PVT1: variants seen among roughly 807,000 people sequenced by gnomAD.
PVT1 encodes CXCR4/PVT1 fusion.
chr8:128,030,623 G>A (rs1281504353), intron 4 of PVT1, among the ~76,000 whole-genome samples: 3 of 152,184 alleles, frequency 2.0e-5, no homozygotes, highest in Non-Finnish European at 4.4e-5. Flanking sequence ...CCAAGGCAGA[G>A]TCAACAAGAA....
intron 2 of PVT1, among the ~76,000 whole-genome samples, chr8:127,885,024 C>A (rs1815508010): frequency 6.6e-6 from 1 of 152,198 alleles, no homozygotes; most frequent in Non-Finnish European, 1.5e-5. Context: ...CTGTTCACTC[C>A]CCTGTCATTA....
chr8:127,964,153 G>A (rs1234437316), intron 3 of PVT1, among the ~76,000 whole-genome samples: 2 of 152,238 alleles, frequency 1.3e-5, no homozygotes, highest in Admixed American at 6.5e-5. Flanking sequence ...GCAAAGAGGG[G>A]CAAGTCAGCC....
chr8:128,022,213 A>G (rs1210231938), intron 4 of PVT1, among the ~76,000 whole-genome samples: 2 of 152,142 alleles, frequency 1.3e-5, no homozygotes, highest in South Asian at 2.1e-4. Context: ...CCTTATCCCC[A>G]GTAAAACCAG....
At chr8:127,968,245 C>G (rs1816724489) in intron 3 of PVT1, among the ~76,000 whole-genome samples, 5 of 152,124 alleles carry the variant, frequency 3.3e-5, no homozygotes, top group Admixed American at 3.3e-4. Context: ...CTTTTGGGAA[C>G]AGGATCTGTC....
At chr8:127,982,386 A>T (rs1401424780) in intron 3 of PVT1, among the ~76,000 whole-genome samples, 1 of 152,198 alleles carries the variant, frequency 6.6e-6, no homozygotes, top group African/African-American at 2.4e-5. Context: ...AAACAAGAGG[A>T]TGTGTAGCAT....
chr8:127,830,542 T>G (rs537859254), intron 2 of PVT1, among the ~76,000 whole-genome samples: 1 of 151,948 alleles, frequency 6.6e-6, no homozygotes, highest in Non-Finnish European at 1.5e-5. Context: ...CAATAGGACT[T>G]GCACACGGAT....
intron 4 of PVT1, among the ~76,000 whole-genome samples, chr8:128,068,002 A>AT (rs1813931686): frequency 6.8e-6 from 1 of 146,456 alleles, no homozygotes; most frequent in South Asian, 2.1e-4. Flanking sequence ...AACCACATCT[A>AT]TAAAAACAAT....
chr8:127,940,139 G>A (rs1232174044), intron 3 of PVT1: 1 of 152,258 alleles, frequency 6.6e-6, no homozygotes, highest in Non-Finnish European at 1.5e-5. Flanking sequence ...ATCAGGCCTG[G>A]TGTCTCTAGA....
chr8:127,916,088 A>C (rs80246585), intron 3 of PVT1, among the ~76,000 whole-genome samples: 1 of 152,368 alleles, frequency 6.6e-6, no homozygotes, highest in East Asian at 1.9e-4. Context: ...GGTTTGAGTC[A>C]CAGTTCCACT....
chr8:127,978,297 T>C (rs1465408025), intron 3 of PVT1, among the ~76,000 whole-genome samples: 4 of 151,504 alleles, frequency 2.6e-5, no homozygotes, highest in African/African-American at 7.3e-5. Flanking sequence ...GGATTATAGG[T>C]GTGTACCACC....
intron 3 of PVT1, among the ~76,000 whole-genome samples, chr8:127,974,070 TTAAA>T (rs1296100718): frequency 6.6e-6 from 1 of 152,182 alleles, no homozygotes; most frequent in Non-Finnish European, 1.5e-5. Context: ...GGGTGGGCAC[TTAAA>T]TTACACAGAT....
At chr8:127,978,913 C>T (rs552215722) in intron 3 of PVT1, among the ~76,000 whole-genome samples, 5 of 151,878 alleles carry the variant, frequency 3.3e-5, no homozygotes, top group Admixed American at 2.0e-4. Flanking sequence ...AATGTATTTA[C>T]GTGTGTGTCT....
chr8:127,979,276 C>T lies in PVT1; in HGVS notation n.783-9886C>T, dbSNP rs574158337. Among the ~76,000 whole-genome samples the T allele has an allele frequency of 4.6e-5, 7 of 152,346 alleles. No homozygotes were observed. The South Asian group carries it at 6.2e-4, about 14-fold the overall frequency. On this transcript the variant is annotated intron_variant and non_coding_transcript_variant, in intron 3 of 10. Coordinates refer to ENST00000651587, the Ensembl canonical transcript of PVT1. ...GCTGGGATTCATCCACGCATTCAAACGATCACAAGTGTTTGCACACTGCTC... is the reference window on the plus strand; with the variant it reads ...GCTGGGATTCATCCACGCATTCAAATGATCACAAGTGTTTGCACACTGCTC...
chr8:128,037,325 A>G (rs1813476146), intron 4 of PVT1, among the ~76,000 whole-genome samples: 1 of 152,206 alleles, frequency 6.6e-6, no homozygotes, highest in African/African-American at 2.4e-5. Context: ...AATCATTATC[A>G]CTGCTTCCAA....
chr8:127,837,619 T>C (rs1006491277), intron 2 of PVT1, among the ~76,000 whole-genome samples: 4 of 152,276 alleles, frequency 2.6e-5, no homozygotes, highest in African/African-American at 7.2e-5. Context: ...TAATATTGAT[T>C]GAGGCCCTCC....
intron 4 of PVT1, among the ~76,000 whole-genome samples, chr8:128,008,026 T>G (rs1310865567): frequency 6.6e-6 from 1 of 152,208 alleles, no homozygotes; most frequent in African/African-American, 2.4e-5. Flanking sequence ...TAGGGAGAAA[T>G]TTATTACTAA....
At chr8:127,843,415 CA>C (rs1814994521) in intron 2 of PVT1, among the ~76,000 whole-genome samples, 1 of 152,118 alleles carries the variant, frequency 6.6e-6, no homozygotes, top group Non-Finnish European at 1.5e-5. Context: ...TTTTGTAAAT[CA>C]AACAGCTCTT....
chr8:127,854,500 C>T (rs1466130659), intron 2 of PVT1, among the ~76,000 whole-genome samples: 1 of 152,174 alleles, frequency 6.6e-6, no homozygotes, highest in Non-Finnish European at 1.5e-5. Context: ...GTCATGTGAC[C>T]CTCTCTGATG....
At chr8:127,836,077 C>A (rs564458268) in intron 2 of PVT1, among the ~76,000 whole-genome samples, 1 of 152,256 alleles carries the variant, frequency 6.6e-6, no homozygotes, top group African/African-American at 2.4e-5. Flanking sequence ...TCAGACCACC[C>A]CTTCTAATAG....
Sources: allele counts gnomAD v4.1 joint callset (sites outside exome capture counted in the v4.1 genomes callset), GRCh38; gene constraint gnomAD v4.1.1; transcripts MANE v1.5; gene names NCBI Gene and HGNC (gene_info 2026-07-23, HGNC 2026-07-21).